PYGB: variants seen among roughly 807,000 people sequenced by gnomAD.
PYGB encodes glycogen phosphorylase B, also known as glycogen phosphorylase, brain form.
Under a neutral mutation model 94.3 loss-of-function variants are expected in PYGB, and 82 were observed. The ratio of observed to expected loss-of-function variants is 0.87; its 90% confidence interval spans 0.73 to 1.04. The LOEUF (loss-of-function observed/expected upper bound fraction) is 1.04, where lower values mean the gene tolerates loss of function less well. PYGB is among the 50% of genes least tolerant of loss of function. The pLI, the probability that PYGB is intolerant of heterozygous loss-of-function variation, is 0.00. For missense variants in PYGB, 1,132 were observed against 1,158.2 expected (o/e 0.98, Z 0.33); for synonymous variants, 488 against 479.1 (o/e 1.02, Z -0.24).
At position 25,248,486 on chromosome 20, in the gene PYGB, C is replaced by T. The variant is rs536924071; in HGVS notation, c.243+65C>T. 59 of 1,291,606 alleles carry T rather than the reference C, an allele frequency of 4.6e-5. No homozygotes were observed. The East Asian group carries it at 1.7e-3, about 38-fold the overall frequency. The allele number at this position is 1,291,606 out of a possible 1,614,324, so 80.0% of individuals were successfully genotyped here. On this transcript the variant is annotated intron_variant, in intron 1 of 19. Coordinates refer to ENST00000216962, the MANE Select transcript of PYGB (RefSeq NM_002862.4). ...GAGGGCGCCGGTCCCGGAGCCGCGC[C>T]AGCGGGGGTCTCTGCGGGGCGGCCC...
rs1289712790 is a variant in PYGB at position 25,276,629 on chromosome 20, AC to A, written c.661-14del. 1.2e-6 allele frequency: 2 copies of A among 1,608,834 alleles called. No homozygotes were observed. The highest frequency in any genetic ancestry group is 1.7e-6 in the Non-Finnish European group (2 of 1,175,914). ...GGCCCTTGCCACTCCGTCCTGAGCA[AC>A]CCGTTTTGTGGCCAGGTGGTGCTGG... On this transcript the variant is annotated splice_polypyrimidine_tract_variant and intron_variant, in intron 5 of 19. Transcript: ENST00000216962.
At chr20:25,280,859 T>C in intron 10 of PYGB, 90 bp from the exon 11 acceptor site, 1 of 1,472,642 alleles carries the variant, frequency 6.8e-7, no homozygotes, top group Non-Finnish European at 9.3e-7. Flanking sequence ...TTCCCATGGG[T>C]GGTCATGGAG....
intron 3 of PYGB, among the ~76,000 whole-genome samples, 179 bp downstream of exon 3, chr20:25,269,386 TTTC>T (rs1442628490): frequency 5.9e-5 from 9 of 152,306 alleles, no homozygotes; most frequent in African/African-American, 2.2e-4. Flanking sequence ...AAATGTATGT[TTTC>T]TTTCACACAA....
chr20:25,278,349 C>T lies in PYGB; in HGVS notation c.886C>T (p.Gln296Ter), dbSNP rs758157831. 1 of 1,610,830 alleles carries T rather than the reference C, an allele frequency of 6.2e-7. No homozygotes were observed. Among genetic ancestry groups the T allele is most frequent in the Non-Finnish European group, 8.5e-7 (1 of 1,179,144 alleles). ...FFEGKELRLK[Q>*]EYFVVAATLQ... ...TGAGGGGAAGGAGCTGCGGCTGAAGCAGGAGTACTTCGTGGTGGCCGCCAC... is the reference window on the plus strand; with the variant it reads ...TGAGGGGAAGGAGCTGCGGCTGAAGTAGGAGTACTTCGTGGTGGCCGCCAC... The change falls in exon 8 of 20, where the codon CAG becomes TAG. Residue 296 changes from glutamine to a stop codon, truncating the protein, a stop_gained. Transcript: ENST00000216962. LOFTEE classifies it high-confidence loss of function.
intron 4 of PYGB, among the ~76,000 whole-genome samples, chr20:25,272,738 C>G (rs1373632905): frequency 6.6e-6 from 1 of 152,254 alleles, no homozygotes; most frequent in East Asian, 1.9e-4. Context: ...CCGGACAGCT[C>G]TGCCCCAGCC....
At chr20:25,280,132 G>A in intron 9 of PYGB, 134 bp from the exon 10 acceptor site, 2 of 1,078,040 alleles carry the variant, frequency 1.9e-6, no homozygotes, top group East Asian at 2.5e-5. Context: ...ACCTTGGAGA[G>A]CAGAGGGGAC....
At chr20:25,258,688 C>T (rs1335436816) in intron 1 of PYGB, among the ~76,000 whole-genome samples, 1 of 152,244 alleles carries the variant, frequency 6.6e-6, no homozygotes, top group Non-Finnish European at 1.5e-5. Flanking sequence ...CCCAAGCCAG[C>T]CAGCCAGCAG....
intron 18 of PYGB, chr20:25,294,975 A>G: frequency 6.2e-7 from 1 of 1,614,166 alleles, no homozygotes; most frequent in Non-Finnish European, 8.5e-7. Context: ...GGCTTCAGTC[A>G]CACCAGCTCT....
chr20:25,261,684 GCTAAAGGAGGATGATCGAA>G (rs2092914007), intron 2 of PYGB, among the ~76,000 whole-genome samples: 5 of 152,218 alleles, frequency 3.3e-5, no homozygotes, highest in Admixed American at 1.3e-4. Context: ...ACTTCTCCGA[GCTAAAGGAGGATGATCGAA>G]CCCATCACAA....
intron 16 of PYGB, among the ~76,000 whole-genome samples, chr20:25,291,614 T>C (rs997305522): frequency 2.0e-4 from 31 of 152,194 alleles, no homozygotes; most frequent in Non-Finnish European, 1.3e-4. Flanking sequence ...GGCCAGGAAC[T>C]GTGGCTCGTC....
At position 25,278,867 on chromosome 20, in the gene PYGB, G is replaced by A. The variant is rs558282813; in HGVS notation, c.1000-190G>A. On this transcript the variant is annotated intron_variant, in intron 8 of 19. Coordinates refer to ENST00000216962, the MANE Select transcript of PYGB (RefSeq NM_002862.4). The stretch of plus-strand genomic sequence containing the variant: ...CACCAGCAGGCACATCGGGCACAGC[G>A]CACACCTGCCACAGTGCGAGCCCGA... 1.5e-4 allele frequency among the ~76,000 whole-genome samples: 22 copies of A among 147,174 alleles called. No homozygotes were observed. In the East Asian group the frequency reaches 3.4e-3, roughly 23 times the overall value.
chr20:25,257,175 G>A (rs979904593), intron 1 of PYGB, among the ~76,000 whole-genome samples: 5 of 152,236 alleles, frequency 3.3e-5, no homozygotes, highest in Non-Finnish European at 4.4e-5. Flanking sequence ...AAGCAAAATA[G>A]ACACATCTCA....
intron 14 of PYGB, among the ~76,000 whole-genome samples, chr20:25,285,919 C>T (rs1024893609): frequency 2.6e-5 from 4 of 152,214 alleles, no homozygotes; most frequent in African/African-American, 9.6e-5. Context: ...AACAACCTTC[C>T]CGAGTTCTTG....
At position 25,297,282 on chromosome 20, in the gene PYGB, C is replaced by G. The variant is rs1378905018; in HGVS notation, c.*760C>G. ...ACAGCTTAGCTTGGTTTTGCTTATTCAAAAGAGAAAATAACTACACATGGA... is the reference window on the plus strand; with the variant it reads ...ACAGCTTAGCTTGGTTTTGCTTATTGAAAAGAGAAAATAACTACACATGGA... On this transcript the variant is annotated 3_prime_UTR_variant, in exon 20 of 20. Coordinates refer to ENST00000216962, the MANE Select transcript of PYGB (RefSeq NM_002862.4). The G allele has an allele frequency of 6.6e-6, 1 of 152,258 alleles. No homozygotes were observed. Among genetic ancestry groups the G allele is most frequent in the Non-Finnish European group, 1.5e-5 (1 of 68,054 alleles). 9.4% of individuals were successfully genotyped at this position (152,258 alleles called of 1,614,324 possible).
chr20:25,249,737 G>A (rs889614798), intron 1 of PYGB, among the ~76,000 whole-genome samples: 1 of 152,136 alleles, frequency 6.6e-6, no homozygotes, highest in Non-Finnish European at 1.5e-5. Flanking sequence ...GGCAACGAAT[G>A]GCCAAAACAG....
At chr20:25,291,033 T>C (rs1001136076) in intron 16 of PYGB, among the ~76,000 whole-genome samples, 1 of 148,752 alleles carries the variant, frequency 6.7e-6, no homozygotes, top group African/African-American at 2.5e-5. Context: ...CTCAGCCGTG[T>C]CTTCTGCCCT....
chr20:25,286,763 G>T (rs1282737475), intron 14 of PYGB, among the ~76,000 whole-genome samples: 1 of 152,120 alleles, frequency 6.6e-6, no homozygotes, highest in African/African-American at 2.4e-5. Flanking sequence ...TGTTCCCCGG[G>T]GGCTCCTTGG....
intron 11 of PYGB, among the ~76,000 whole-genome samples, 181 bp downstream of exon 11, chr20:25,281,293 C>T (rs1383483664): frequency 1.3e-5 from 2 of 152,228 alleles, no homozygotes; most frequent in African/African-American, 2.4e-5. Flanking sequence ...CCTTGTTGTG[C>T]GTTCACCGAC....
chr20:25,268,178 A>C, intron 2 of PYGB, among the ~76,000 whole-genome samples: 1 of 27,178 alleles, frequency 3.7e-5, no homozygotes, highest in African/African-American at 1.7e-4. Context: ...CCCCATATCC[A>C]AAATATTGTT....
Sources: gnomAD v4.1 joint callset for allele counts (sites outside exome capture counted in the v4.1 genomes callset) on GRCh38, gnomAD v4.1.1 for gene constraint, MANE v1.5 for transcripts, NCBI Gene and HGNC (gene_info 2026-07-23, HGNC 2026-07-21) for gene names.